Variants in LCLAT1 observed in about 807,000 individuals in gnomAD.
LCLAT1 encodes the protein 1-AGP acyltransferase 8.
In LCLAT1, 11 loss-of-function variants were observed where a neutral mutation model predicts 30.7. That is an observed-to-expected ratio of 0.36 (90% confidence interval 0.23 to 0.59). The LOEUF (loss-of-function observed/expected upper bound fraction) is 0.59. Among genes scored for constraint, LCLAT1 ranks in the 20% least tolerant of loss-of-function variants. The pLI is 0.77. For synonymous variants in LCLAT1, 155 were observed against 151.3 expected (o/e 1.02, Z -0.18); for missense variants, 402 against 458.6 (o/e 0.88, Z 1.13).
intron 5 of LCLAT1, among the ~76,000 whole-genome samples, chr2:30,572,126 G>C (rs1027566258): frequency 6.6e-6 from 1 of 152,164 alleles, no homozygotes; most frequent in African/African-American, 2.4e-5. Context: ...TATCGCTTTA[G>C]ACCATAAAGG....
chr2:30,482,141 T>C (rs982592240), intron 1 of LCLAT1, among the ~76,000 whole-genome samples: 1 of 152,214 alleles, frequency 6.6e-6, no homozygotes, highest in African/African-American at 2.4e-5. Flanking sequence ...GAAATTCATT[T>C]TGGTTTTTGT....
intron 1 of LCLAT1, among the ~76,000 whole-genome samples, chr2:30,485,439 A>G (rs928575795): frequency 6.6e-6 from 1 of 152,126 alleles, no homozygotes; most frequent in African/African-American, 2.4e-5. Flanking sequence ...AGTGGTGTGT[A>G]AGGAAGAAAG....
At chr2:30,497,445 T>TA (rs766034669) in intron 1 of LCLAT1, among the ~76,000 whole-genome samples, 20 of 152,344 alleles carry the variant, frequency 1.3e-4, no homozygotes, top group South Asian at 8.3e-4. Context: ...TTAAAAATGT[T>TA]AGACTTTGCA....
rs1296684083 is a variant in LCLAT1 at position 30,552,483 on chromosome 2, G to A, written c.365-9663G>A. The stretch of plus-strand genomic sequence containing the variant: ...TATTTTATACTTTGATTTCTATCTT[G>A]TATTTTCAGCACAGTCACATTTGAA... On this transcript the variant is annotated intron_variant, in intron 3 of 5. Transcript: ENST00000379509. 4 of 430,686 alleles carry A rather than the reference G, an allele frequency of 9.3e-6. No individual in the cohort carries two copies. In the East Asian group the frequency reaches 2.9e-4, roughly 31 times the overall value. 26.7% of individuals were successfully genotyped at this position (430,686 alleles called of 1,614,324 possible).
intron 1 of LCLAT1, among the ~76,000 whole-genome samples, chr2:30,465,555 T>C (rs1015008586): frequency 3.3e-5 from 5 of 152,240 alleles, no homozygotes; most frequent in Non-Finnish European, 5.9e-5. Context: ...ACAAGAAAGA[T>C]TCATTCATTA....
At chr2:30,544,936 C>A (rs1664328400) in intron 3 of LCLAT1, among the ~76,000 whole-genome samples, 1 of 152,106 alleles carries the variant, frequency 6.6e-6, no homozygotes, top group East Asian at 1.9e-4. Context: ...TTAAGTATTT[C>A]ATTCTTAACT....
chr2:30,569,486 A>G (rs775663620), intron 5 of LCLAT1, among the ~76,000 whole-genome samples: 5 of 152,208 alleles, frequency 3.3e-5, no homozygotes, highest in Non-Finnish European at 7.3e-5. Context: ...GATTTCCAGT[A>G]AGCCATATTG....
At chr2:30,604,887 A>G (rs1425680255) in intron 5 of LCLAT1, among the ~76,000 whole-genome samples, 2 of 152,182 alleles carry the variant, frequency 1.3e-5, no homozygotes, top group Non-Finnish European at 2.9e-5. Context: ...TTGGGTAATA[A>G]GAGCATTTCT....
At chr2:30,455,154 A>T (rs1371938108) in intron 1 of LCLAT1, among the ~76,000 whole-genome samples, 5 of 152,078 alleles carry the variant, frequency 3.3e-5, no homozygotes, top group Non-Finnish European at 7.4e-5. Flanking sequence ...CTTTTTATCT[A>T]TACTTTCTTT....
intron 5 of LCLAT1, among the ~76,000 whole-genome samples, chr2:30,618,646 C>G (rs75259606): frequency 0.011 from 1,748 of 152,170 alleles, 14 homozygotes; most frequent in Non-Finnish European, 0.019. Flanking sequence ...ATATGTACAA[C>G]AAACCCTCAT....
At chr2:30,606,001 C>A (rs1667426091) in intron 5 of LCLAT1, 3 of 1,292,170 alleles carry the variant, frequency 2.3e-6, no homozygotes, top group Non-Finnish European at 3.0e-6. Context: ...CCCCACTCCC[C>A]ACTCTGTTGA....
At chr2:30,559,351 T>C (rs1665086241) in intron 3 of LCLAT1, among the ~76,000 whole-genome samples, 1 of 152,218 alleles carries the variant, frequency 6.6e-6, no homozygotes, top group Admixed American at 6.5e-5. Flanking sequence ...TATACCTCTA[T>C]AAAAATGTTT....
At chr2:30,625,524 A>T (rs1348741842) in intron 5 of LCLAT1, among the ~76,000 whole-genome samples, 1 of 152,188 alleles carries the variant, frequency 6.6e-6, no homozygotes, top group Non-Finnish European at 1.5e-5. Context: ...ATAATATCCC[A>T]TCTTCAGCCA....
intron 1 of LCLAT1, among the ~76,000 whole-genome samples, chr2:30,473,605 T>C (rs1682903042): frequency 6.6e-6 from 1 of 152,224 alleles, no homozygotes; most frequent in African/African-American, 2.4e-5. Context: ...CTTCTGTGGA[T>C]GGATAGATGA....
chr2:30,617,460 A>C (rs1668047807), intron 5 of LCLAT1, among the ~76,000 whole-genome samples: 1 of 152,194 alleles, frequency 6.6e-6, no homozygotes, highest in African/African-American at 2.4e-5. Context: ...CGTTATTTAC[A>C]ATTTTAGGAT....
chr2:30,628,467 C>A (rs1036058504), intron 5 of LCLAT1, among the ~76,000 whole-genome samples: 3 of 152,008 alleles, frequency 2.0e-5, no homozygotes, highest in Non-Finnish European at 4.4e-5. Flanking sequence ...AACAGTTGTT[C>A]CAGGAGAAGC....
At chr2:30,634,415 C>T (rs1384722534) in intron 5 of LCLAT1, among the ~76,000 whole-genome samples, 1 of 152,170 alleles carries the variant, frequency 6.6e-6, no homozygotes, top group African/African-American at 2.4e-5. Context: ...CACCTAAGGT[C>T]AGGAGTTTGA....
intron 4 of LCLAT1, among the ~76,000 whole-genome samples, chr2:30,564,457 T>C (rs550620141): frequency 2.0e-4 from 30 of 149,500 alleles, no homozygotes; most frequent in Non-Finnish European, 4.5e-4. Flanking sequence ...CAGGTTTCTT[T>C]TTGTAGGTGA....
intron 5 of LCLAT1, among the ~76,000 whole-genome samples, chr2:30,601,111 T>C (rs1184141744): frequency 2.0e-5 from 3 of 152,180 alleles, no homozygotes; most frequent in Admixed American, 6.5e-5. Context: ...GTGAAGTTTG[T>C]GTGTTGTGCT....
Sources: allele counts gnomAD v4.1 joint callset (sites outside exome capture counted in the v4.1 genomes callset), GRCh38; gene constraint gnomAD v4.1.1; transcripts MANE v1.5; gene names NCBI Gene and HGNC (gene_info 2026-07-23, HGNC 2026-07-21).